The following RANBP2 variants were observed in gnomAD, a reference collection of about 807,000 sequenced individuals.
RANBP2 encodes RAN binding protein 2.
RANBP2 carries 57 observed loss-of-function variants against 303.6 expected under a neutral mutation model. That is an observed-to-expected ratio of 0.19 (90% CI 0.15 to 0.23). RANBP2 has a LOEUF of 0.23. RANBP2 is among the 10% of genes least tolerant of loss of function. The pLI is 1.00. For missense variants in RANBP2, 3,138 were observed against 3,780.8 expected, an observed-to-expected ratio of 0.83 and a Z score of 4.46; for synonymous variants, 1,167 against 1,301.5, an observed-to-expected ratio of 0.90 and a Z score of 2.23.
the RANBP2 span, among the ~76,000 whole-genome samples, chr2:109,170,244 TTTCTCTTCTCTTCTC>T: frequency 0.073 from 2,378 of 32,678 alleles, 47 homozygotes; most frequent in East Asian, 0.16. Context: ...CTTCTTTTCT[TTTCTCTTCTCTTCTC>T]TTCTCTTCTC....
At chr2:109,193,473 A>G in the RANBP2 span, among the ~76,000 whole-genome samples, 2 of 152,142 alleles carry the variant, frequency 1.3e-5, no homozygotes, top group African/African-American at 4.8e-5. Flanking sequence ...GGGTCTCCCT[A>G]TTCTGGGCTT....
the RANBP2 span, among the ~76,000 whole-genome samples, chr2:109,366,988 T>C: frequency 6.6e-6 from 1 of 152,222 alleles, no homozygotes; most frequent in African/African-American, 2.4e-5. Context: ...CAGAGTCTCA[T>C]TCTCGCCCAG....
chr2:109,573,964 A>G, the RANBP2 span, among the ~76,000 whole-genome samples: 19 of 152,220 alleles, frequency 1.2e-4, no homozygotes, highest in Non-Finnish European at 1.2e-4. Context: ...TAGTGGCATA[A>G]AGTAAAATTA....
the RANBP2 span, among the ~76,000 whole-genome samples, chr2:109,270,377 T>C: frequency 6.6e-6 from 1 of 152,152 alleles, no homozygotes; most frequent in Non-Finnish European, 1.5e-5. Flanking sequence ...ATAGGCAGGC[T>C]CATAGAGTGG....
the RANBP2 span, among the ~76,000 whole-genome samples, chr2:109,578,625 G>A: frequency 1.1e-4 from 16 of 152,076 alleles, no homozygotes; most frequent in Non-Finnish European, 1.6e-4. Context: ...AAATTAGCTC[G>A]GAGTGCTGGT....
At chr2:109,030,865 G>T in the RANBP2 span, among the ~76,000 whole-genome samples, 4 of 152,224 alleles carry the variant, frequency 2.6e-5, no homozygotes, top group East Asian at 7.7e-4. Flanking sequence ...TGGGACCACA[G>T]GTGCACCACA....
the RANBP2 span, among the ~76,000 whole-genome samples, chr2:108,991,571 C>A: frequency 6.6e-6 from 1 of 152,196 alleles, no homozygotes; most frequent in East Asian, 1.9e-4. Flanking sequence ...CCACCTGCCC[C>A]CTTCATGAGG....
At chr2:109,614,308 G>T in the RANBP2 span, 37 of 604,658 alleles carry the variant, frequency 6.1e-5, no homozygotes, top group Non-Finnish European at 8.4e-5. Flanking sequence ...GGGGGTGCGG[G>T]GGGCGTGTCC....
chr2:109,111,163 G>A, the RANBP2 span, among the ~76,000 whole-genome samples: 1 of 152,202 alleles, frequency 6.6e-6, no homozygotes, highest in South Asian at 2.1e-4. Context: ...TGGATTAATG[G>A]ACCAGCATTC....
chr2:109,342,509 T>G, the RANBP2 span, among the ~76,000 whole-genome samples: 2 of 152,168 alleles, frequency 1.3e-5, no homozygotes, highest in African/African-American at 4.8e-5. Flanking sequence ...TGACAAGTGC[T>G]CTCCTTGAAA....
chr2:109,531,305 G>C, the RANBP2 span, among the ~76,000 whole-genome samples: 1 of 152,220 alleles, frequency 6.6e-6, no homozygotes, highest in East Asian at 1.9e-4. Context: ...TTTGATGTCA[G>C]ACCTTGCAGG....
the RANBP2 span, among the ~76,000 whole-genome samples, chr2:108,961,777 T>C: frequency 6.6e-6 from 1 of 152,152 alleles, no homozygotes; most frequent in South Asian, 2.1e-4. Context: ...ATGTGTTGGG[T>C]CTTTTAACCT....
the RANBP2 span, among the ~76,000 whole-genome samples, chr2:109,704,838 C>A: frequency 6.6e-6 from 1 of 151,542 alleles, no homozygotes; most frequent in East Asian, 1.9e-4. Flanking sequence ...GTGACAGGAA[C>A]GAAACTTCAT....
the RANBP2 span, among the ~76,000 whole-genome samples, chr2:109,270,738 T>G: frequency 6.6e-6 from 1 of 152,190 alleles, no homozygotes; most frequent in Non-Finnish European, 1.5e-5. Context: ...CTGTTACTCC[T>G]CTTATGTAGA....
chr2:108,910,992 G>T, the RANBP2 span: 2 of 1,614,156 alleles, frequency 1.2e-6, no homozygotes, highest in African/African-American at 2.7e-5. Context: ...ATGATGATGA[G>T]GACGATGGCG....
At chr2:109,439,172 A>G in the RANBP2 span, among the ~76,000 whole-genome samples, 54 of 152,306 alleles carry the variant, frequency 3.5e-4, no homozygotes, top group African/African-American at 1.3e-3. Flanking sequence ...GCAGTGCAAC[A>G]TTGTGTCTCA....
At chr2:108,759,404 A>G (rs1176494455) in intron 18 of RANBP2, among the ~76,000 whole-genome samples, 1 of 152,224 alleles carries the variant, frequency 6.6e-6, no homozygotes, top group Non-Finnish European at 1.5e-5. Flanking sequence ...TTGCCAGTAT[A>G]ATACATTGCT....
chr2:108,738,180 A>G (rs1695775549), intron 6 of RANBP2, among the ~76,000 whole-genome samples: 1 of 151,492 alleles, frequency 6.6e-6, no homozygotes, highest in African/African-American at 2.4e-5. Flanking sequence ...GGTTCACGCC[A>G]TTCTCCTGCC....
At chr2:109,371,752 T>C in the RANBP2 span, 1 of 1,335,552 alleles carries the variant, frequency 7.5e-7, no homozygotes, top group Non-Finnish European at 1.1e-6. Context: ...TGGGGTCACC[T>C]GACCTTCAAG....
Sources: allele counts gnomAD v4.1 joint callset (sites outside exome capture counted in the v4.1 genomes callset), GRCh38; gene constraint gnomAD v4.1.1; transcripts MANE v1.5; gene names NCBI Gene and HGNC (gene_info 2026-07-23, HGNC 2026-07-21).